PTPRG: variants seen among roughly 807,000 people sequenced by gnomAD.
The protein encoded by PTPRG is protein tyrosine phosphatase receptor type G, also known as receptor-type tyrosine-protein phosphatase gamma.
A neutral mutation model predicts 165.3 loss-of-function variants in PTPRG; 102 were observed. The ratio of observed to expected loss-of-function variants is 0.62; its 90% CI spans 0.53 to 0.73. PTPRG has a LOEUF of 0.73. Among genes scored for constraint, PTPRG ranks in the 30% least tolerant of loss-of-function variants. The probability of loss-of-function intolerance (pLI) is 0.00; values close to 1 mark genes in which losing one functional copy is unlikely to be tolerated. For missense variants in PTPRG, 1,866 were observed against 1,861.4 expected (o/e 1.00, Z -0.05); for synonymous variants, 675 against 669.5 (o/e 1.01, Z -0.13).
At chr3:62,156,809 T>C (rs1388486510) in intron 6 of PTPRG, among the ~76,000 whole-genome samples, 9 of 152,184 alleles carry the variant, frequency 5.9e-5, no homozygotes, top group Non-Finnish European at 1.3e-4. Flanking sequence ...GGGACTTTAA[T>C]GTGGCCCAAC....
chr3:61,569,646 TG>T (rs1289852735), intron 1 of PTPRG, among the ~76,000 whole-genome samples: 1 of 152,138 alleles, frequency 6.6e-6, no homozygotes, highest in East Asian at 1.9e-4. Context: ...TTAAGAGATT[TG>T]GATAGGAGTG....
intron 2 of PTPRG, among the ~76,000 whole-genome samples, chr3:61,888,186 A>G (rs1014084182): frequency 4.0e-5 from 6 of 149,594 alleles, no homozygotes; most frequent in African/African-American, 1.2e-4. Context: ...TAGTTTCACT[A>G]ATTTTTAAAT....
At chr3:61,847,036 G>T (rs950650007) in intron 2 of PTPRG, among the ~76,000 whole-genome samples, 1 of 152,072 alleles carries the variant, frequency 6.6e-6, no homozygotes, top group Admixed American at 6.6e-5. Context: ...TCAATTCTTC[G>T]GTGTTTGGAG....
At position 61,577,446 on chromosome 3, in the gene PTPRG, A is replaced by G. The variant is rs115072002; in HGVS notation, c.85+15074A>G. On this transcript the variant is annotated intron_variant, in intron 1 of 29. Transcript: ENST00000474889. ...GGCTAGTAAACACTTCAAGTATGGC[A>G]TGTCTAAATTGAGATGTGCTTCAAG... 7.1e-3 allele frequency among the ~76,000 whole-genome samples: 1,076 copies of G among 152,344 alleles called. 19 individuals are homozygous for G. Among genetic ancestry groups the G allele is most frequent in the African/African-American group, 0.024 (1,016 of 41,578 alleles).
Position 62,195,969 on chromosome 3 carries a change from A to G in PTPRG, c.1327+799A>G, listed in dbSNP as rs1463200624. Among the ~76,000 whole-genome samples the G allele has an allele frequency of 6.6e-6, 1 of 151,134 alleles. No individual in the cohort carries two copies. Among genetic ancestry groups the G allele is most frequent in the East Asian group, 2.0e-4 (1 of 4,976 alleles). Reference sequence around the variant, plus strand: ...CGCCCAGCTAATTTTTTGTATTTTTACTAGAGACGGGGGTTTCACCATGTT... The same window carrying G: ...CGCCCAGCTAATTTTTTGTATTTTTGCTAGAGACGGGGGTTTCACCATGTT... On this transcript the variant is annotated intron_variant, in intron 10 of 29. Coordinates refer to ENST00000474889, the MANE Select transcript of PTPRG (RefSeq NM_002841.4). The surrounding 1 kb of genome is among the most constrained non-coding windows in gnomAD (Gnocchi z 4.4).
At chr3:62,265,896 T>TATATACAAACACACACACACAC (rs1553662684) in intron 17 of PTPRG, among the ~76,000 whole-genome samples, 1 of 130,528 alleles carries the variant, frequency 7.7e-6, no homozygotes, top group Non-Finnish European at 1.6e-5. Context: ...GTGCCTTATA[T>TATATACAAACACACACACACAC]ACACACACAC....
chr3:61,882,594 C>T (rs946452109), intron 2 of PTPRG, among the ~76,000 whole-genome samples: 1 of 152,026 alleles, frequency 6.6e-6, no homozygotes, highest in Non-Finnish European at 1.5e-5. Context: ...CTGCATACTT[C>T]CATGAATGTC....
rs1188700810 is a variant in PTPRG, at chr3:62,240,234, G to A, written c.2376-3573G>A. ...CCAGCTACTTAGGAGGCTGAGGCACGAGAGGCGTGAGAATCGCCCGAACCT... is the reference window on the plus strand; with the variant it reads ...CCAGCTACTTAGGAGGCTGAGGCACAAGAGGCGTGAGAATCGCCCGAACCT... On this transcript the variant is annotated intron_variant, in intron 14 of 29. Coordinates refer to ENST00000474889, the MANE Select transcript of PTPRG (RefSeq NM_002841.4). The surrounding 1 kb of genome is among the most constrained non-coding windows in gnomAD (Gnocchi z 5.1). Among the ~76,000 whole-genome samples the A allele has an allele frequency of 1.3e-5, 2 of 152,154 alleles. No homozygotes were observed. Among genetic ancestry groups the A allele is most frequent in the Admixed American group, 6.5e-5 (1 of 15,278 alleles).
rs917125519 is a variant in PTPRG at position 62,254,501 on chromosome 3, C to T, written c.2468-623C>T. On this transcript the variant is annotated intron_variant, in intron 15 of 29. Coordinates refer to ENST00000474889, the MANE Select transcript of PTPRG (RefSeq NM_002841.4). The surrounding 1 kb of genome is among the most constrained non-coding windows in gnomAD (Gnocchi z 4.6). The stretch of plus-strand genomic sequence containing the variant: ...CGAATCTATACCTAGTCTGTCAACA[C>T]CAAAAAAATCCAGTTAATTCAGTCA... Among the ~76,000 whole-genome samples, 1 of 152,012 alleles carries T rather than the reference C, an allele frequency of 6.6e-6. No homozygotes were observed. Among genetic ancestry groups the T allele is most frequent in the Non-Finnish European group, 1.5e-5 (1 of 67,978 alleles).
chr3:61,986,437 G>A (rs375966328), intron 2 of PTPRG, among the ~76,000 whole-genome samples: 15 of 152,218 alleles, frequency 9.9e-5, no homozygotes, highest in African/African-American at 3.6e-4. Flanking sequence ...CGTTTACCCT[G>A]AGATCAAACT....
chr3:61,596,209 C>T (rs1700694687), intron 1 of PTPRG, among the ~76,000 whole-genome samples: 1 of 152,050 alleles, frequency 6.6e-6, no homozygotes, highest in Non-Finnish European at 1.5e-5. Flanking sequence ...TCGTTGTCAC[C>T]CCCTCATTCC....
At chr3:61,944,483 G>A (rs2039707546) in intron 2 of PTPRG, among the ~76,000 whole-genome samples, 1 of 152,154 alleles carries the variant, frequency 6.6e-6, no homozygotes, top group African/African-American at 2.4e-5. Context: ...TGCAGTGGAA[G>A]TCTGGGGATT....
In PTPRG at chr3:62,267,465, C is replaced by T. The variant is rs781276396; in HGVS notation, c.2712C>T (p.Ser904=). Residue 904 remains serine, a synonymous_variant, in exon 18 of 30, where the codon AGC becomes AGT. Coordinates refer to ENST00000474889, the MANE Select transcript of PTPRG (RefSeq NM_002841.4). ...TACCAGGAAAAGACTCTAAGCACAG[C>T]GACTACATTAATGCAAACTATGTTG... The part of the protein sequence containing the change: ...RPLPGKDSKH[S]DYINANYVDG... 70 of 1,611,596 alleles carry T rather than the reference C, an allele frequency of 4.3e-5. No individual in the cohort carries two copies. Among genetic ancestry groups the T allele is most frequent in the Middle Eastern group, 3.3e-4 (2 of 6,078 alleles).
intron 23 of PTPRG, among the ~76,000 whole-genome samples, chr3:62,275,484 G>A (rs956271373): frequency 6.6e-6 from 1 of 152,114 alleles, no homozygotes; most frequent in African/African-American, 2.4e-5. Context: ...TACAATCAAG[G>A]TCACTGAGAG....
rs1428471307 is a variant in PTPRG, at chr3:62,293,162, A to C, written c.4193A>C (p.Glu1398Ala). ...LMRPGVFTDI[E>A]QYQFIYKAML... ...AACTGTCTTCCTCTTGTTTTTCAGG[A>C]ACAATACCAGTTCATCTATAAAGCA... is the stretch of plus-strand genomic sequence containing the variant. Residue 1398 changes from glutamate to alanine, a missense_variant and splice_region_variant, in exon 30 of 30, where the codon GAA (glutamate) becomes GCA (alanine). Coordinates refer to ENST00000474889, the MANE Select transcript of PTPRG (RefSeq NM_002841.4). 1.3e-6 allele frequency: 2 copies of C among 1,583,152 alleles called. No individual in the cohort carries two copies. The highest frequency in any genetic ancestry group is 1.7e-6 in the Non-Finnish European group (2 of 1,168,574).
chr3:61,733,540 T>C (rs920093255), intron 1 of PTPRG, among the ~76,000 whole-genome samples: 8 of 152,222 alleles, frequency 5.3e-5, no homozygotes, highest in Admixed American at 5.2e-4. Flanking sequence ...TCCTGGTACA[T>C]GGTAAGTGCT....
chr3:62,015,948 G>C (rs953390749), intron 4 of PTPRG, among the ~76,000 whole-genome samples: 3 of 152,114 alleles, frequency 2.0e-5, no homozygotes, highest in Non-Finnish European at 4.4e-5. Flanking sequence ...TTTTTTAAAA[G>C]TCTTTTAAAG....
At chr3:62,243,977 A>C (rs1338288231) in intron 15 of PTPRG, 79 bp downstream of exon 15, 2 of 872,044 alleles carry the variant, frequency 2.3e-6, no homozygotes, top group African/African-American at 3.4e-5. Flanking sequence ...ATAAAACAAC[A>C]AAATATTTTA....
At position 61,954,208 on chromosome 3, in the gene PTPRG, A is replaced by G. The variant is rs567854655; in HGVS notation, c.191-35417A>G. 6.9e-4 allele frequency among the ~76,000 whole-genome samples: 105 copies of G among 152,232 alleles called. 1 individual carries two copies. Among genetic ancestry groups the G allele is most frequent in the African/African-American group, 2.4e-3 (99 of 41,554 alleles). ...CATACTGGTTCCTTACTGAGGTTTG[A>G]ATGTAGGTTTGAATGTATGCATGGT... On this transcript the variant is annotated intron_variant, in intron 2 of 29. Transcript: ENST00000474889.
Sources: allele counts gnomAD v4.1 joint callset (sites outside exome capture counted in the v4.1 genomes callset), GRCh38; gene constraint gnomAD v4.1.1; non-coding constraint Gnocchi (gnomAD v3.1); transcripts MANE v1.5; gene names NCBI Gene and HGNC (gene_info 2026-07-23, HGNC 2026-07-21).